AOPEP: variants seen among roughly 807,000 people sequenced by gnomAD.
AOPEP encodes the protein aminopeptidase O (putative), also known as aminopeptidase O.
A neutral mutation model predicts 98.1 loss-of-function variants in AOPEP; 77 were observed. That is an observed-to-expected ratio of 0.78 (90% CI 0.65 to 0.95). The LOEUF (loss-of-function observed/expected upper bound fraction) is 0.95, where lower values mean the gene tolerates loss of function less well. AOPEP is among the 40% of genes least tolerant of loss of function. AOPEP has a pLI of 0.00. For synonymous variants in AOPEP, 346 were observed against 365.3 expected (o/e 0.95, Z 0.60); for missense variants, 1,024 against 1,024.7 (o/e 1.00, Z 0.01).
intron 7 of AOPEP, among the ~76,000 whole-genome samples, chr9:94,950,527 G>C (rs554251949): frequency 1.5e-4 from 23 of 152,206 alleles, no homozygotes; most frequent in Non-Finnish European, 3.2e-4. Flanking sequence ...CTGGGGCTCA[G>C]ATGGGCACTG....
chr9:94,955,260 T>C lies in AOPEP; in HGVS notation c.1745T>C (p.Met582Thr), dbSNP rs2058373721. The stretch of plus-strand genomic sequence containing the variant: ...GGACTTAATCCGGAGAAGATCTTCA[T>C]GCAGGTGCATTATTTAAAGGTAAGC... ...KHGLNPEKIFMQVHYLKGYFL... is the reference protein window; with the variant it reads ...KHGLNPEKIFTQVHYLKGYFL... The change falls in exon 8 of 17, where the codon ATG (methionine) becomes ACG (threonine). Residue 582 changes from methionine (M) to threonine (T), a missense_variant. This residue lies in a region of AOPEP where 566 missense variants were observed against 551.7 expected (regional missense o/e 1.03). Transcript: ENST00000375315. 1 of 1,612,314 alleles carries C rather than the reference T, an allele frequency of 6.2e-7. No individual in the cohort carries two copies. The highest frequency in any genetic ancestry group is 1.1e-5 in the South Asian group (1 of 90,844).
chr9:95,067,730 G>A (rs1347883009), intron 14 of AOPEP, among the ~76,000 whole-genome samples: 2 of 152,146 alleles, frequency 1.3e-5, no homozygotes, highest in African/African-American at 2.4e-5. Context: ...CCATTTTAAA[G>A]TATACAATTC....
At chr9:94,927,982 T>A (rs2054616878) in intron 6 of AOPEP, among the ~76,000 whole-genome samples, 1 of 152,080 alleles carries the variant, frequency 6.6e-6, no homozygotes, top group Admixed American at 6.5e-5. Flanking sequence ...ATCATCTGGG[T>A]TGCATTAGCA....
chr9:94,948,918 C>A (rs150725395), intron 7 of AOPEP, among the ~76,000 whole-genome samples: 1 of 152,354 alleles, frequency 6.6e-6, no homozygotes, highest in East Asian at 1.9e-4. Flanking sequence ...GTTTTGCCTT[C>A]TTGGCAGTCA....
rs940032663 is a variant in AOPEP, at chr9:94,932,795, T to C, written c.1661+4264T>C. ...CACTGCGCCCAGCCCAGATGTTTCT[T>C]AGATTGACTTTGCTGTGTTTCCTTT... On this transcript the variant is annotated intron_variant, in intron 7 of 16. Coordinates refer to ENST00000375315, the MANE Select transcript of AOPEP (RefSeq NM_001193329.3). The C allele has an allele frequency of 4.1e-6, 4 of 985,312 alleles. No homozygotes were observed. In the African/African-American group the frequency reaches 7.0e-5, roughly 17 times the overall value. 61.0% of individuals were successfully genotyped at this position (985,312 alleles called of 1,614,324 possible).
intron 5 of AOPEP, among the ~76,000 whole-genome samples, chr9:94,813,745 G>GT (rs1851123489): frequency 6.6e-6 from 1 of 152,228 alleles, no homozygotes; most frequent in African/African-American, 2.4e-5. Flanking sequence ...GATCCTAATG[G>GT]TGAGTTGTTT....
At chr9:94,834,654 G>C (rs866324412) in intron 5 of AOPEP, among the ~76,000 whole-genome samples, 26 of 152,144 alleles carry the variant, frequency 1.7e-4, no homozygotes, top group Middle Eastern at 3.4e-3. Context: ...TTAGCCCACT[G>C]TGGTGACGTG....
In AOPEP at chr9:95,080,763, T is replaced by C. The variant is rs893617564; in HGVS notation, c.2302T>C (p.Phe768Leu). ...FTKAYKSVER[F>L]LQEDQAMGVY... ...GAAAGCCTACAAAAGTGTGGAGAGGTTCCTTCAGGAGGATCAGGTAGGTGT... is the reference window on the plus strand; with the variant it reads ...GAAAGCCTACAAAAGTGTGGAGAGGCTCCTTCAGGAGGATCAGGTAGGTGT... The change falls in exon 15 of 17, where the codon TTC becomes CTC. Residue 768 changes from phenylalanine to leucine, a missense_variant. Transcript: ENST00000375315. 3.1e-6 allele frequency: 5 copies of C among 1,613,632 alleles called. No individual in the cohort carries two copies. In the African/African-American group the frequency reaches 4.0e-5, roughly 13 times the overall value.
chr9:94,787,717 A>C (rs1844747963), intron 3 of AOPEP, among the ~76,000 whole-genome samples: 1 of 152,094 alleles, frequency 6.6e-6, no homozygotes, highest in South Asian at 2.1e-4. Flanking sequence ...TAATTAATTG[A>C]TTAGTTCAAT....
At chr9:95,125,492 G>A in the AOPEP span, among the ~76,000 whole-genome samples, 1 of 152,120 alleles carries the variant, frequency 6.6e-6, no homozygotes, top group Non-Finnish European at 1.5e-5. Flanking sequence ...GCCTGGACAC[G>A]CAACATCAAC....
the AOPEP span, chr9:95,123,844 ACAACCC>A: frequency 1.4e-5 from 9 of 637,872 alleles, no homozygotes; most frequent in South Asian, 5.6e-5. Context: ...ATGCTGCCCC[ACAACCC>A]CCACCAAAGC....
intron 9 of AOPEP, among the ~76,000 whole-genome samples, chr9:94,961,773 TTTC>T (rs2058856468): frequency 6.6e-6 from 1 of 152,256 alleles, no homozygotes; most frequent in Non-Finnish European, 1.5e-5. Context: ...TGGATTATGT[TTTC>T]TTCAAGGCGG....
the AOPEP span, among the ~76,000 whole-genome samples, chr9:95,140,662 G>A: frequency 6.6e-6 from 1 of 152,262 alleles, no homozygotes; most frequent in Non-Finnish European, 1.5e-5. Context: ...AAACCAGAAA[G>A]AGATCAAGGC....
At chr9:94,841,417 G>A (rs922418237) in intron 5 of AOPEP, among the ~76,000 whole-genome samples, 3 of 152,158 alleles carry the variant, frequency 2.0e-5, no homozygotes, top group East Asian at 1.9e-4. Flanking sequence ...CAGGTGATCC[G>A]CCTGCCTTGG....
chr9:95,032,202 A>C lies in AOPEP; in HGVS notation c.2115+26586A>C, dbSNP rs73657032. The stretch of plus-strand genomic sequence containing the variant: ...CCACTGCACCTGGCCAGCGGAGGCC[A>C]CCTGCTTCTGGCCCTTCCTTTTCAG... On this transcript the variant is annotated intron_variant, in intron 13 of 16. Transcript: ENST00000375315. Among the ~76,000 whole-genome samples the C allele has an allele frequency of 3.1e-3, 478 of 152,302 alleles. 1 individual carries two copies. The highest frequency in any genetic ancestry group is 0.011 in the African/African-American group (464 of 41,566).
At chr9:94,946,747 A>C (rs1297419552) in intron 7 of AOPEP, among the ~76,000 whole-genome samples, 1 of 151,996 alleles carries the variant, frequency 6.6e-6, no homozygotes, top group Non-Finnish European at 1.5e-5. Context: ...CATGCCTGGG[A>C]GAACGTTCGC....
At chr9:95,017,147 A>C (rs939359269) in intron 13 of AOPEP, among the ~76,000 whole-genome samples, 1 of 152,094 alleles carries the variant, frequency 6.6e-6, no homozygotes, top group Non-Finnish European at 1.5e-5. Context: ...GTACCTCTGG[A>C]TCCTATTCGT....
intron 11 of AOPEP, among the ~76,000 whole-genome samples, chr9:94,996,917 G>T (rs997278268): frequency 6.6e-6 from 1 of 152,132 alleles, no homozygotes; most frequent in Admixed American, 6.6e-5. Context: ...CTTTTCCATT[G>T]GTGCACACTG....
At chr9:94,841,363 G>A (rs1466980301) in intron 5 of AOPEP, among the ~76,000 whole-genome samples, 1 of 151,996 alleles carries the variant, frequency 6.6e-6, no homozygotes, top group African/African-American at 2.4e-5. Flanking sequence ...TAGTAGAGAT[G>A]GGGTTTCACC....
Sources: allele counts gnomAD v4.1 joint callset (sites outside exome capture counted in the v4.1 genomes callset), GRCh38; gene constraint gnomAD v4.1.1; regional missense constraint gnomAD v4.1.1; transcripts MANE v1.5; gene names NCBI Gene and HGNC (gene_info 2026-07-23, HGNC 2026-07-21).